PBXIP1: variants seen among roughly 807,000 people sequenced by gnomAD.
The protein encoded by PBXIP1 is PBX homeobox interacting protein 1, also known as pre-B-cell leukemia transcription factor-interacting protein 1.
A neutral mutation model predicts 73.7 loss-of-function variants in PBXIP1; 73 were observed. The observed-to-expected ratio is 0.99, with a 90% confidence interval of 0.82 to 1.20. The LOEUF (loss-of-function observed/expected upper bound fraction) is 1.20, where lower values mean the gene tolerates loss of function less well. PBXIP1 is among the 50% of genes most tolerant of loss of function. The pLI is 0.00. For missense variants in PBXIP1, 818 were observed against 911.4 expected (o/e 0.90, Z 1.32); for synonymous variants, 330 against 366.9 (o/e 0.90, Z 1.15).
Position 154,946,126 on chromosome 1 carries a change from C to A in PBXIP1, c.1548G>T (p.Arg516Ser). 1 of 1,614,170 alleles carries A rather than the reference C, an allele frequency of 6.2e-7. No individual in the cohort carries two copies. The highest frequency in any genetic ancestry group is 8.5e-7 in the Non-Finnish European group (1 of 1,180,014). Residue 516 changes from arginine to serine, a missense_variant, in exon 10 of 11, where the codon AGG becomes AGT. Coordinates refer to ENST00000368463, the MANE Select transcript of PBXIP1 (RefSeq NM_020524.4). Reference protein sequence around the residue: ...GGQEDREPAGRWKEGRPRVEE... With the variant: ...GGQEDREPAGSWKEGRPRVEE... Reference sequence around the variant, plus strand: ...CCACCCTTGGCCTGCCCTCCTTCCACCTTCCTGCTGGCTCCCTGTCCTCCT... The same window carrying A: ...CCACCCTTGGCCTGCCCTCCTTCCAACTTCCTGCTGGCTCCCTGTCCTCCT...
chr1:154,945,794 G>A lies in PBXIP1; in HGVS notation c.1880C>T (p.Pro627Leu), dbSNP rs777684632. The A allele has an allele frequency of 1.2e-6, 2 of 1,614,094 alleles. No individual in the cohort carries two copies. The highest frequency in any genetic ancestry group is 1.7e-6 in the Non-Finnish European group (2 of 1,180,042). The change falls in exon 10 of 11, where the codon CCC becomes CTC. Residue 627 changes from proline (P) to leucine (L), a missense_variant. By Grantham distance (98) the Pro-to-Leu change is moderately conservative. Transcript: ENST00000368463. ...SLLRTYLARL[P>L]WAGQLTKELP... ...CTCCTTGGTCAGCTGCCCAGCCCAG[G>A]GCAGCCGTGCCAAGTATGTTCTTAG...
chr1:154,951,885 TC>T lies in PBXIP1; in HGVS notation c.87del (p.Met30TrpfsTer23), dbSNP rs753595912. 5 of 1,612,918 alleles carry T rather than the reference TC, an allele frequency of 3.1e-6. No individual in the cohort carries two copies. In the Admixed American group the frequency reaches 8.4e-5, roughly 27 times the overall value. On this transcript the variant is annotated frameshift_variant, in exon 3 of 11. Transcript: ENST00000368463. LOFTEE classifies it high-confidence loss of function. This position sits in a 1 kb window ranked among gnomAD's most constrained non-coding sequence, Gnocchi z 4.3. ...LPVETLGPAS[R>X]MDPESERALQ... is the part of the protein sequence containing the mutation. ...AGGGCTCTCTCAGATTCTGGGTCCA[TC>T]CTGGATGCCGGGCCCAGTGTCTCCA...
chr1:154,945,721 A>G lies in PBXIP1; in HGVS notation c.1953T>C (p.His651=). The part of the protein sequence containing the change: ...AFFGEDGIFR[H]DRLRFRDFVD... ...CAAAATCCCGGAAGCGGAGGCGGTC[A>G]TGACGGAAGATGCCATCCTCACCAA... The change falls in exon 10 of 11, where the codon CAT becomes CAC. Residue 651 remains histidine (H), a synonymous_variant. Transcript: ENST00000368463. The G allele has an allele frequency of 1.2e-6, 2 of 1,614,252 alleles. No homozygotes were observed. Among genetic ancestry groups the G allele is most frequent in the Non-Finnish European group, 1.7e-6 (2 of 1,180,036 alleles).
At chr1:154,955,216 G>A (rs1655139710) in intron 1 of PBXIP1, among the ~76,000 whole-genome samples, 1 of 152,126 alleles carries the variant, frequency 6.6e-6, no homozygotes, top group South Asian at 2.1e-4. Flanking sequence ...TCAGCCTTCC[G>A]CTTGTGGCTC....
rs1333326671 is a variant in PBXIP1, at chr1:154,946,589, C to T, written c.1085G>A (p.Gly362Asp). ...VCLSGGRGPQ[G>D]DKAIREQGPR... The stretch of plus-strand genomic sequence containing the variant: ...GCCTTGCTCCCTGATGGCCTTGTCA[C>T]CCTGTGGGCCTCTACCCCCACTGAG... The change falls in exon 10 of 11, where the codon GGT becomes GAT. Residue 362 changes from glycine (G) to aspartate (D), a missense_variant. By Grantham distance (94) the Gly-to-Asp change is moderately conservative. Transcript: ENST00000368463. The T allele has an allele frequency of 6.2e-7, 1 of 1,613,100 alleles. No individual in the cohort carries two copies. The highest frequency in any genetic ancestry group is 8.5e-7 in the Non-Finnish European group (1 of 1,179,800).
rs200693400 is a variant in PBXIP1, at chr1:154,951,410, C to T, written c.244-13G>A. The T allele has an allele frequency of 1.7e-4, 271 of 1,614,086 alleles. 2 individuals are homozygous for T. The East Asian group carries it at 5.1e-3, about 30-fold the overall frequency. Reference sequence around the variant, plus strand: ...CTTCCAGGGTGCCCTAATGCAGATGCAGCAGTGAGCAGCTGCTAGCCCTCC... The same window carrying T: ...CTTCCAGGGTGCCCTAATGCAGATGTAGCAGTGAGCAGCTGCTAGCCCTCC... On this transcript the variant is annotated splice_polypyrimidine_tract_variant and intron_variant, in intron 4 of 10. Transcript: ENST00000368463. This position sits in a 1 kb window ranked among gnomAD's most constrained non-coding sequence, Gnocchi z 4.3.
At chr1:154,950,496 G>C (rs1654972598) in intron 5 of PBXIP1, 1 of 152,350 alleles carries the variant, frequency 6.6e-6, no homozygotes, top group Non-Finnish European at 1.5e-5. Flanking sequence ...GCCTGGCCCA[G>C]GTCTGCATCA....
rs1654816757 is a variant in PBXIP1 at position 154,946,321 on chromosome 1, C to T, written c.1353G>A (p.Gly451=). ...QGLENWGQDP[G]VSANASKAWH... ...AGGCCTTTGAGGCATTGGCAGAGAC[C>T]CCAGGGTCCTGGCCCCAGTTCTCCA... The change falls in exon 10 of 11, where the codon GGG becomes GGA. Residue 451 remains glycine, a synonymous_variant. Coordinates refer to ENST00000368463, the MANE Select transcript of PBXIP1 (RefSeq NM_020524.4). 1 of 1,614,152 alleles carries T rather than the reference C, an allele frequency of 6.2e-7. No homozygotes were observed. The highest frequency in any genetic ancestry group is 8.5e-7 in the Non-Finnish European group (1 of 1,180,036).
At chr1:154,953,245 G>T (rs1261895130) in intron 2 of PBXIP1, among the ~76,000 whole-genome samples, 1 of 152,140 alleles carries the variant, frequency 6.6e-6, no homozygotes, top group Non-Finnish European at 1.5e-5. Context: ...GAGGCCTGAA[G>T]GCCTCAGCCA....
In PBXIP1 at chr1:154,946,510, C is replaced by A; in HGVS notation, c.1164G>T (p.Glu388Asp). 1 of 1,610,264 alleles carries A rather than the reference C, an allele frequency of 6.2e-7. No homozygotes were observed. The highest frequency in any genetic ancestry group is 8.5e-7 in the Non-Finnish European group (1 of 1,180,018). The change falls in exon 10 of 11, where the codon GAG (glutamate) becomes GAT (aspartate). Residue 388 changes from glutamate (E) to aspartate (D), a missense_variant. Physicochemically the swap from Glu to Asp is conservative, Grantham distance 45. Transcript: ENST00000368463. ...LSFLKQKEQL[E>D]AEAQALRQEL... is the part of the protein sequence containing the mutation. The stretch of plus-strand genomic sequence containing the variant: ...CTTGCCTTAATGCCTGTGCCTCAGC[C>A]TCCAGCTGTTCCTTCTGCTTCAGGA...
At chr1:154,947,909 C>T in intron 7 of PBXIP1, 73 bp downstream of exon 7, 2 of 1,512,072 alleles carry the variant, frequency 1.3e-6, no homozygotes, top group South Asian at 2.2e-5. Flanking sequence ...GCCCCCAGCA[C>T]CCCTACTCCT....
chr1:154,945,440 G>A (rs1571393479), intron 10 of PBXIP1, 132 bp downstream of exon 10: 2 of 960,298 alleles, frequency 2.1e-6, no homozygotes, highest in East Asian at 4.8e-5. Context: ...AAAGGAAGCG[G>A]ACCTGAATGC....
intron 10 of PBXIP1, 64 bp downstream of exon 10, chr1:154,945,508 T>C (rs1020248790): frequency 4.0e-6 from 6 of 1,512,264 alleles, no homozygotes. Context: ...CTAATGATCC[T>C]TGCTCTTCAC....
At chr1:154,948,442 G>C (rs954864593) in intron 5 of PBXIP1, 76 bp from the exon 6 acceptor site, 10 of 1,090,954 alleles carry the variant, frequency 9.2e-6, no homozygotes, top group African/African-American at 4.7e-5. Flanking sequence ...GGGAATCAGA[G>C]GAAGGCACAG....
chr1:154,950,637 T>A (rs115421823), intron 5 of PBXIP1: 1 of 155,058 alleles, frequency 6.4e-6, no homozygotes, highest in African/African-American at 2.4e-5. Context: ...AGACAGGTGG[T>A]CCCCACTCCT....
At position 154,946,167 on chromosome 1, in the gene PBXIP1, T is replaced by C. The variant is rs1207542430; in HGVS notation, c.1507A>G (p.Lys503Glu). 5 of 1,614,140 alleles carry C rather than the reference T, an allele frequency of 3.1e-6. No individual in the cohort carries two copies. The highest frequency in any genetic ancestry group is 3.4e-6 in the Non-Finnish European group (4 of 1,180,020). ...CTGTCCTCCTGACCTCCCCAGTTCT[T>C]CTTCCTTTCCCGGCCAGATTCTTCC... Reference protein sequence around the residue: ...KKEESGRERKKNWGGQEDREP... With the variant: ...KKEESGRERKENWGGQEDREP... Residue 503 changes from lysine (K) to glutamate (E), a missense_variant, in exon 10 of 11, where the codon AAG becomes GAG. Coordinates refer to ENST00000368463, the MANE Select transcript of PBXIP1 (RefSeq NM_020524.4).
At chr1:154,949,832 A>G (rs1362724917) in intron 5 of PBXIP1, among the ~76,000 whole-genome samples, 1 of 151,732 alleles carries the variant, frequency 6.6e-6, no homozygotes, top group African/African-American at 2.4e-5. Context: ...GAGGGTCAGG[A>G]TGTGTGGGTA....
In PBXIP1 at chr1:154,951,346, T is replaced by A; in HGVS notation, c.295A>T (p.Thr99Ser). 1 of 1,614,144 alleles carries A rather than the reference T, an allele frequency of 6.2e-7. No homozygotes were observed. Among genetic ancestry groups the A allele is most frequent in the South Asian group, 1.1e-5 (1 of 91,086 alleles). Residue 99 changes from threonine to serine, a missense_variant, in exon 5 of 11, where the codon ACA (threonine) becomes TCA (serine). Thr to Ser is a moderately conservative substitution (Grantham distance 58). Transcript: ENST00000368463. The surrounding 1 kb of genome is among the most constrained non-coding windows in gnomAD (Gnocchi z 4.3). ...CGVEPPGPGD[T>S]VVQGDLQETT... ...TCCTGCAGGTCTCCCTGGACTACTG[T>A]GTCTCCTGGGCCAGGAGGCTCCACA...
At chr1:154,948,510 G>GC (rs113495200) in intron 5 of PBXIP1, 144 bp from the exon 6 acceptor site, 23,192 of 603,798 alleles carry the variant, frequency 0.038, 625 homozygotes, top group African/African-American at 0.095. Flanking sequence ...TTGCCCACTT[G>GC]CCCACTTCTG....
Sources: gnomAD v4.1 joint callset for allele counts (sites outside exome capture counted in the v4.1 genomes callset) on GRCh38, gnomAD v4.1.1 for gene constraint, Gnocchi (gnomAD v3.1) non-coding constraint, MANE v1.5 for transcripts, NCBI Gene and HGNC (gene_info 2026-07-23, HGNC 2026-07-21) for gene names.